The following DLG1 variants were observed in gnomAD, a reference collection of about 807,000 sequenced individuals.
DLG1 encodes the protein disks large homolog 1.
DLG1 carries 42 observed loss-of-function variants against 123.4 expected under a neutral mutation model. That is an observed-to-expected ratio of 0.34 (90% CI 0.27 to 0.44). The LOEUF (loss-of-function observed/expected upper bound fraction) is 0.44. Among genes scored for constraint, DLG1 ranks in the 20% least tolerant of loss-of-function variants. The pLI is 1.00. For missense variants in DLG1, 942 were observed against 1,082.6 expected (o/e 0.87, Z 1.82); for synonymous variants, 317 against 356.2 (o/e 0.89, Z 1.24).
At chr3:197,201,180 G>A (rs368330636) in intron 4 of DLG1, among the ~76,000 whole-genome samples, 21 of 152,218 alleles carry the variant, frequency 1.4e-4, no homozygotes, top group African/African-American at 4.6e-4. Context: ...TCAGGAGATC[G>A]AGACCATCCA....
intron 10 of DLG1, among the ~76,000 whole-genome samples, chr3:197,130,919 G>A (rs62281755): frequency 0.11 from 17,064 of 152,132 alleles, 1,321 homozygotes; most frequent in South Asian, 0.33. Context: ...TCCCAGTCTT[G>A]ATTTTCTCTC....
intron 13 of DLG1, among the ~76,000 whole-genome samples, chr3:197,113,075 T>G (rs1266967384): frequency 2.0e-5 from 3 of 152,204 alleles, no homozygotes; most frequent in Non-Finnish European, 4.4e-5. Flanking sequence ...ATGTCTGGAG[T>G]AAGACTGGTT....
intron 19 of DLG1, chr3:197,068,545 AT>A: frequency 6.4e-7 from 1 of 1,567,232 alleles, no homozygotes; most frequent in Non-Finnish European, 8.6e-7. Flanking sequence ...TTACTTTCAT[AT>A]TAGACAGCAG....
intron 5 of DLG1, among the ~76,000 whole-genome samples, chr3:197,158,655 A>G (rs1797493380): frequency 9.2e-6 from 1 of 108,532 alleles, no homozygotes; most frequent in Admixed American, 9.3e-5. Flanking sequence ...AAAAAAAAAA[A>G]AAGCCCAGAG....
At chr3:197,161,625 G>T (rs1241889302) in intron 5 of DLG1, 3 of 1,370,778 alleles carry the variant, frequency 2.2e-6, no homozygotes, top group Admixed American at 2.9e-5. Flanking sequence ...AAAGAAAAAA[G>T]AAACTAATAA....
At chr3:197,265,304 G>A (rs1761189202) in intron 4 of DLG1, among the ~76,000 whole-genome samples, 1 of 152,074 alleles carries the variant, frequency 6.6e-6, no homozygotes, top group Non-Finnish European at 1.5e-5. Flanking sequence ...CCATAAACAA[G>A]CAATTGCTGC....
At chr3:197,251,912 G>C (rs2150867236) in intron 4 of DLG1, among the ~76,000 whole-genome samples, 1 of 152,298 alleles carries the variant, frequency 6.6e-6, no homozygotes, top group South Asian at 2.1e-4. Context: ...TCGAGTGTGG[G>C]AAACAATGCC....
intron 9 of DLG1, among the ~76,000 whole-genome samples, chr3:197,137,056 T>C (rs1477237260): frequency 1.3e-5 from 2 of 152,244 alleles, no homozygotes; most frequent in Non-Finnish European, 1.5e-5. Flanking sequence ...TGTCTGGTGA[T>C]GGTGGGCAGA....
intron 17 of DLG1, among the ~76,000 whole-genome samples, chr3:197,078,716 A>G (rs1450731760): frequency 6.6e-6 from 1 of 152,218 alleles, no homozygotes; most frequent in African/African-American, 2.4e-5. Context: ...GAAAAAAATT[A>G]TGGTAATCTA....
At chr3:197,295,977 ACAG>A (rs1172766914) in intron 3 of DLG1, among the ~76,000 whole-genome samples, 2 of 152,234 alleles carry the variant, frequency 1.3e-5, no homozygotes, top group Non-Finnish European at 2.9e-5. Flanking sequence ...GTTCTTCAAC[ACAG>A]CAGAACCCTT....
intron 22 of DLG1, 28 bp downstream of exon 22, chr3:197,065,248 T>C: frequency 1.3e-6 from 2 of 1,573,072 alleles, no homozygotes; most frequent in South Asian, 1.2e-5. Flanking sequence ...GATTAGAAGC[T>C]ATATTCTGGG....
chr3:197,223,264 CTCA>C (rs1276599021), intron 4 of DLG1, among the ~76,000 whole-genome samples: 16 of 152,128 alleles, frequency 1.1e-4, no homozygotes, highest in Non-Finnish European at 4.4e-5. Flanking sequence ...CAGAAATTAA[CTCA>C]TGTTTTGCTG....
chr3:197,247,362 G>A (rs927957431), intron 4 of DLG1, among the ~76,000 whole-genome samples: 1 of 152,110 alleles, frequency 6.6e-6, no homozygotes, highest in Non-Finnish European at 1.5e-5. Flanking sequence ...CTTGGGGCGG[G>A]GGATTTGGCA....
chr3:197,066,824 C>A, intron 19 of DLG1, 70 bp from the exon 20 acceptor site: 3 of 1,011,024 alleles, frequency 3.0e-6, no homozygotes, highest in South Asian at 1.5e-5. Flanking sequence ...TCTTCATAAA[C>A]AACATATACA....
At chr3:197,196,736 T>C (rs1722719324) in intron 4 of DLG1, among the ~76,000 whole-genome samples, 1 of 152,184 alleles carries the variant, frequency 6.6e-6, no homozygotes, top group Non-Finnish European at 1.5e-5. Flanking sequence ...AATCTACATC[T>C]TCTAATAGGA....
intron 16 of DLG1, among the ~76,000 whole-genome samples, chr3:197,082,860 T>C (rs1276611721): frequency 6.6e-6 from 1 of 152,186 alleles, no homozygotes; most frequent in Non-Finnish European, 1.5e-5. Context: ...ATAGAATTTT[T>C]GTACAAAATG....
intron 11 of DLG1, among the ~76,000 whole-genome samples, chr3:197,120,174 T>C (rs1431857115): frequency 3.3e-5 from 5 of 151,428 alleles, no homozygotes; most frequent in Admixed American, 6.6e-5. Context: ...GGTGGGAGAA[T>C]TGCTTGAACC....
At chr3:197,089,879 A>T (rs1031206346) in intron 15 of DLG1, among the ~76,000 whole-genome samples, 21 of 152,192 alleles carry the variant, frequency 1.4e-4, no homozygotes, top group Non-Finnish European at 1.2e-4. Context: ...TGCATTTAAG[A>T]TTCCCACATC....
Position 197,191,234 on chromosome 3 carries a change from G to A in DLG1, c.483+3191C>T, listed in dbSNP as rs955503096. ...TAATACACCCTTGCATAAGGGAAAC[G>A]GAAGACTCTGGAGAGGCCTAAACCC... is the stretch of plus-strand genomic sequence containing the variant. On this transcript the variant is annotated intron_variant, in intron 5 of 24. Coordinates refer to ENST00000667157, the MANE Select transcript of DLG1 (RefSeq NM_001366207.1). Among the ~76,000 whole-genome samples the A allele has an allele frequency of 3.9e-5, 6 of 152,086 alleles. 1 individual carries two copies. In the South Asian group the frequency reaches 8.3e-4, roughly 21 times the overall value.
Sources: allele counts gnomAD v4.1 joint callset (sites outside exome capture counted in the v4.1 genomes callset), GRCh38; gene constraint gnomAD v4.1.1; transcripts MANE v1.5; gene names NCBI Gene and HGNC (gene_info 2026-07-23, HGNC 2026-07-21).